PCDH9: variants seen among roughly 807,000 people sequenced by gnomAD.
The protein encoded by PCDH9 is protocadherin 9, also known as protocadherin-9.
Under a neutral mutation model 70.6 loss-of-function variants are expected in PCDH9, and 24 were observed. That is an observed-to-expected ratio of 0.34 (90% confidence interval 0.25 to 0.48). The LOEUF is 0.48. Ranked by LOEUF, PCDH9 falls within the 20% of genes least tolerant of loss-of-function variation. The pLI, the probability that PCDH9 is intolerant of heterozygous loss-of-function variation, is 0.99. For synonymous variants in PCDH9, 562 were observed against 558.5 expected (o/e 1.01, Z -0.09); for missense variants, 1,281 against 1,503.6 (o/e 0.85, Z 2.45).
At chr13:66,826,505 G>C (rs929902802) in intron 3 of PCDH9, among the ~76,000 whole-genome samples, 1 of 151,994 alleles carries the variant, frequency 6.6e-6, no homozygotes, top group Admixed American at 6.6e-5. Flanking sequence ...CTGTTAGGCC[G>C]TTTGCCTGTA....
intron 2 of PCDH9, among the ~76,000 whole-genome samples, chr13:67,036,809 A>G (rs1438891017): frequency 6.6e-6 from 1 of 152,178 alleles, no homozygotes; most frequent in African/African-American, 2.4e-5. Context: ...CACTTTCAAT[A>G]AGGCTATGCA....
Position 67,021,073 on chromosome 13 carries a change from A to C in PCDH9, c.3037-117468T>G, listed in dbSNP as rs1401664659. Among the ~76,000 whole-genome samples, 3 of 152,196 alleles carry C rather than the reference A, an allele frequency of 2.0e-5. No individual in the cohort carries two copies. In the East Asian group the frequency reaches 5.8e-4, roughly 29 times the overall value. Reference sequence around the variant, plus strand: ...TTCCTTTCTTTGTGAGAAATAAAAGAAGCATATTTCTTTTTAAGAGTTTCA... The same window carrying C: ...TTCCTTTCTTTGTGAGAAATAAAAGCAGCATATTTCTTTTTAAGAGTTTCA... On this transcript the variant is annotated intron_variant, in intron 2 of 4. Coordinates refer to ENST00000377865, the MANE Select transcript of PCDH9 (RefSeq NM_203487.3).
intron 4 of PCDH9, among the ~76,000 whole-genome samples, chr13:66,580,676 G>T (rs547059108): frequency 3.6e-4 from 55 of 151,884 alleles, no homozygotes; most frequent in Admixed American, 3.5e-3. Context: ...ACACTGTACA[G>T]CTTAGCATTT....
chr13:67,197,078 G>T (rs1436860749), intron 2 of PCDH9, among the ~76,000 whole-genome samples: 1 of 146,224 alleles, frequency 6.8e-6, no homozygotes, highest in Non-Finnish European at 1.5e-5. Flanking sequence ...AAGGACAATG[G>T]ACAAAATATA....
chr13:66,352,942 T>A (rs895708016), intron 4 of PCDH9, among the ~76,000 whole-genome samples: 13 of 152,244 alleles, frequency 8.5e-5, no homozygotes, highest in Admixed American at 7.2e-4. Flanking sequence ...ATCTAGCCAT[T>A]AAATGATAGC....
chr13:67,036,054 T>C (rs1355473434), intron 2 of PCDH9, among the ~76,000 whole-genome samples: 1 of 152,224 alleles, frequency 6.6e-6, no homozygotes, highest in Non-Finnish European at 1.5e-5. Flanking sequence ...TGATTACTCA[T>C]GTCAGTGACC....
intron 4 of PCDH9, among the ~76,000 whole-genome samples, chr13:66,415,395 C>A (rs191115585): frequency 7.2e-5 from 11 of 152,288 alleles, no homozygotes; most frequent in African/African-American, 2.6e-4. Flanking sequence ...TAACCACAGA[C>A]TCTGCATTGC....
chr13:66,723,858 A>G (rs2078972696), intron 3 of PCDH9, among the ~76,000 whole-genome samples: 1 of 152,206 alleles, frequency 6.6e-6, no homozygotes, highest in South Asian at 2.1e-4. Context: ...AAGGCCACAC[A>G]ACAGTTGGAC....
intron 3 of PCDH9, among the ~76,000 whole-genome samples, chr13:66,793,605 T>C (rs1228304292): frequency 1.3e-5 from 2 of 152,158 alleles, no homozygotes; most frequent in African/African-American, 2.4e-5. Context: ...TGAAGTATTA[T>C]AATATGGTTT....
intron 4 of PCDH9, among the ~76,000 whole-genome samples, chr13:66,456,764 G>A (rs1034433225): frequency 9.9e-5 from 15 of 151,806 alleles, no homozygotes; most frequent in Admixed American, 5.9e-4. Context: ...ATTCTTTCTT[G>A]TTTAGTTTGA....
chr13:66,455,675 G>GA (rs1285981777), intron 4 of PCDH9, among the ~76,000 whole-genome samples: 1 of 152,056 alleles, frequency 6.6e-6, no homozygotes. Context: ...GAATAAAACT[G>GA]AATGTGATGC....
At chr13:66,859,185 G>A (rs1341868983) in intron 3 of PCDH9, 2 of 152,112 alleles carry the variant, frequency 1.3e-5, no homozygotes, top group African/African-American at 4.8e-5. Flanking sequence ...TTTGAAAGTA[G>A]AAAATACAAG....
intron 3 of PCDH9, among the ~76,000 whole-genome samples, chr13:66,794,127 C>A (rs769846979): frequency 9.9e-5 from 15 of 151,684 alleles, no homozygotes; most frequent in African/African-American, 4.8e-5. Flanking sequence ...GTCTTAGAAA[C>A]AAGAAAGATA....
intron 2 of PCDH9, among the ~76,000 whole-genome samples, chr13:66,918,298 G>C (rs1213297567): frequency 6.6e-6 from 1 of 151,156 alleles, no homozygotes; most frequent in African/African-American, 2.4e-5. Context: ...TTTAGATAAA[G>C]ACTTTAGTGT....
intron 4 of PCDH9, among the ~76,000 whole-genome samples, chr13:66,425,149 A>G (rs563863153): frequency 2.0e-5 from 3 of 152,002 alleles, no homozygotes; most frequent in African/African-American, 7.2e-5. Context: ...AATGAAGAGT[A>G]TTGCACTATA....
chr13:66,553,154 T>C (rs1435929184), intron 4 of PCDH9, among the ~76,000 whole-genome samples: 2 of 152,174 alleles, frequency 1.3e-5, no homozygotes, highest in African/African-American at 4.8e-5. Context: ...ATCAGGGAAC[T>C]ATACCAGTCA....
At chr13:67,185,183 T>A (rs1052707099) in intron 2 of PCDH9, among the ~76,000 whole-genome samples, 7 of 152,228 alleles carry the variant, frequency 4.6e-5, no homozygotes, top group African/African-American at 1.7e-4. Flanking sequence ...AAGGATATTA[T>A]GTTTTGTTAT....
At chr13:67,198,002 T>A (rs1318558413) in intron 2 of PCDH9, among the ~76,000 whole-genome samples, 1 of 151,568 alleles carries the variant, frequency 6.6e-6, no homozygotes, top group African/African-American at 2.4e-5. Context: ...GTTTTTGATA[T>A]TTTAAAAATA....
chr13:66,376,357 G>C (rs1209020832), intron 4 of PCDH9, among the ~76,000 whole-genome samples: 1 of 152,096 alleles, frequency 6.6e-6, no homozygotes, highest in African/African-American at 2.4e-5. Context: ...GCCTGCCTGA[G>C]TTAAGTATTT....
Sources: gnomAD v4.1 joint callset for allele counts (sites outside exome capture counted in the v4.1 genomes callset) on GRCh38, gnomAD v4.1.1 for gene constraint, MANE v1.5 for transcripts, NCBI Gene and HGNC (gene_info 2026-07-23, HGNC 2026-07-21) for gene names.